Variants in DGKI observed in about 807,000 individuals in gnomAD.
DGKI encodes DAG kinase iota.
In DGKI, 55 loss-of-function variants were observed where a neutral mutation model predicts 147.5. That is an observed-to-expected ratio of 0.37 (90% CI 0.30 to 0.47). The LOEUF (loss-of-function observed/expected upper bound fraction) is 0.47. Among genes scored for constraint, DGKI ranks in the 20% least tolerant of loss-of-function variants. DGKI has a pLI of 1.00. For synonymous variants in DGKI, 469 were observed against 477.1 expected, an observed-to-expected ratio of 0.98 and a Z score of 0.22; for missense variants, 1,007 against 1,323.8, an observed-to-expected ratio of 0.76 and a Z score of 3.71.
chr7:137,476,562 C>T (rs906660856), intron 23 of DGKI, among the ~76,000 whole-genome samples: 3 of 152,136 alleles, frequency 2.0e-5, no homozygotes, highest in African/African-American at 7.2e-5. Context: ...TTAGGGTTAC[C>T]TGGACACTGC....
chr7:137,821,070 C>T (rs1367985569), intron 1 of DGKI, among the ~76,000 whole-genome samples: 1 of 152,124 alleles, frequency 6.6e-6, no homozygotes, highest in Non-Finnish European at 1.5e-5. Context: ...CTGAGCACCT[C>T]GTTGGTGCTA....
At chr7:137,408,723 C>A (rs550629913) in intron 29 of DGKI, among the ~76,000 whole-genome samples, 280 of 150,928 alleles carry the variant, frequency 1.9e-3, no homozygotes, top group Middle Eastern at 3.5e-3. Flanking sequence ...AAAAAAAAAA[C>A]AAAACAGAAT....
At chr7:137,508,099 T>C (rs1816431046) in intron 21 of DGKI, among the ~76,000 whole-genome samples, 2 of 152,148 alleles carry the variant, frequency 1.3e-5, no homozygotes, top group South Asian at 4.1e-4. Context: ...GTTGAGACTT[T>C]ATTCTCAAAA....
rs554107920 is a variant in DGKI at position 137,568,345 on chromosome 7, G to A, written c.1947+2830C>T. Among the ~76,000 whole-genome samples the A allele has an allele frequency of 2.6e-4, 39 of 152,282 alleles. No homozygotes were observed. The South Asian group carries it at 7.0e-3, about 28-fold the overall frequency. On this transcript the variant is annotated intron_variant, in intron 19 of 32. Transcript: ENST00000614521. Reference sequence around the variant, plus strand: ...CTCCTGGTAAAATTCAGTCAGTCACGTCACGCATTGCCAACTGCATGCCAC... The same window carrying A: ...CTCCTGGTAAAATTCAGTCAGTCACATCACGCATTGCCAACTGCATGCCAC...
At chr7:137,517,492 T>C (rs1816820913) in intron 21 of DGKI, among the ~76,000 whole-genome samples, 1 of 151,982 alleles carries the variant, frequency 6.6e-6, no homozygotes, top group Non-Finnish European at 1.5e-5. Context: ...CTATGACAAC[T>C]CAATGCAATA....
At chr7:137,596,598 A>G (rs986133530) in intron 12 of DGKI, among the ~76,000 whole-genome samples, 2 of 152,224 alleles carry the variant, frequency 1.3e-5, no homozygotes, top group African/African-American at 4.8e-5. Flanking sequence ...TAAAAAAGTT[A>G]AATAGGTTTG....
At chr7:137,392,150 TCAA>T (rs1441429203) in intron 32 of DGKI, among the ~76,000 whole-genome samples, 2 of 152,322 alleles carry the variant, frequency 1.3e-5, no homozygotes, top group South Asian at 2.1e-4. Flanking sequence ...ATTTTTTACA[TCAA>T]CATGTTAAAT....
chr7:137,726,140 C>A (rs1049413848), intron 1 of DGKI, among the ~76,000 whole-genome samples: 1 of 152,158 alleles, frequency 6.6e-6, no homozygotes. Context: ...TGGTCCTTCT[C>A]CCCTCTCAGG....
At chr7:137,796,170 A>T (rs1322706391) in intron 1 of DGKI, among the ~76,000 whole-genome samples, 1 of 152,210 alleles carries the variant, frequency 6.6e-6, no homozygotes, top group Non-Finnish European at 1.5e-5. Context: ...CCTCTGAGAA[A>T]GCCTAGATAT....
At chr7:137,620,048 C>CACAG in intron 7 of DGKI, 108 bp from the exon 8 acceptor site, 1 of 761,386 alleles carries the variant, frequency 1.3e-6, no homozygotes, top group South Asian at 1.6e-5. Context: ...CACACACACA[C>CACAG]ACACACTCAT....
chr7:137,521,605 AC>A (rs1264262497), intron 21 of DGKI, among the ~76,000 whole-genome samples: 5 of 152,084 alleles, frequency 3.3e-5, no homozygotes, highest in Non-Finnish European at 5.9e-5. Flanking sequence ...CAAATCTGAG[AC>A]TAAAGTGGCG....
chr7:137,517,393 GAGAAAGAGAGAGAA>G, intron 21 of DGKI, among the ~76,000 whole-genome samples: 1 of 128,492 alleles, frequency 7.8e-6, no homozygotes, highest in South Asian at 3.0e-4. Context: ...GGGAGGGAGG[GAGAAAGAGAGAGAA>G]AGAGAGAGAA....
intron 1 of DGKI, among the ~76,000 whole-genome samples, chr7:137,754,093 G>A (rs1303948173): frequency 6.6e-6 from 1 of 152,138 alleles, no homozygotes; most frequent in Non-Finnish European, 1.5e-5. Flanking sequence ...GGGGGGTTAT[G>A]TAAAGAAGGT....
chr7:137,659,233 T>C (rs567692699), intron 3 of DGKI, among the ~76,000 whole-genome samples: 19 of 152,194 alleles, frequency 1.2e-4, no homozygotes, highest in Non-Finnish European at 1.8e-4. Flanking sequence ...TTTACAATCA[T>C]ATGTAAAATT....
At chr7:137,675,775 T>A (rs147567218) in intron 3 of DGKI, among the ~76,000 whole-genome samples, 1 of 149,158 alleles carries the variant, frequency 6.7e-6, no homozygotes, top group East Asian at 2.0e-4. Flanking sequence ...GAAACAGGAG[T>A]GTGCATTGTT....
intron 30 of DGKI, among the ~76,000 whole-genome samples, chr7:137,400,353 C>T (rs1204661645): frequency 6.6e-6 from 1 of 152,174 alleles, no homozygotes. Flanking sequence ...CTGCTAATTG[C>T]ACAACTATTT....
Position 137,527,491 on chromosome 7 carries a change from G to GT in DGKI, c.2148-5526dup, listed in dbSNP as rs200009532. ...AAGTAGGGATGGTGAATGTTTGCAAGTTTTTTTTTACTTTTTAAAGATATT... is the reference window on the plus strand; with the variant it reads ...AAGTAGGGATGGTGAATGTTTGCAAGTTTTTTTTTTACTTTTTAAAGATATT... On this transcript the variant is annotated intron_variant, in intron 20 of 32. Transcript: ENST00000614521. Among the ~76,000 whole-genome samples, 1,314 of 151,540 alleles carry GT rather than the reference G, an allele frequency of 8.7e-3. 25 individuals are homozygous for GT. Among genetic ancestry groups the GT allele is most frequent in the African/African-American group, 0.03 (1,235 of 41,340 alleles).
At chr7:137,841,550 T>G (rs1798544254) in intron 1 of DGKI, among the ~76,000 whole-genome samples, 1 of 152,166 alleles carries the variant, frequency 6.6e-6, no homozygotes, top group Non-Finnish European at 1.5e-5. Context: ...GAAAAATAAT[T>G]AGTCTCCACA....
At chr7:137,776,737 C>A (rs1344502475) in intron 1 of DGKI, among the ~76,000 whole-genome samples, 1 of 152,072 alleles carries the variant, frequency 6.6e-6, no homozygotes, top group African/African-American at 2.4e-5. Context: ...TGTCTTAAAG[C>A]ATGACAGTAT....
Sources: allele counts gnomAD v4.1 joint callset (sites outside exome capture counted in the v4.1 genomes callset), GRCh38; gene constraint gnomAD v4.1.1; transcripts MANE v1.5; gene names NCBI Gene and HGNC (gene_info 2026-07-23, HGNC 2026-07-21).